The following SLC39A4 variants were observed in gnomAD, a reference collection of about 807,000 sequenced individuals.
The protein encoded by SLC39A4 is zinc transporter ZIP4.
In SLC39A4, 49 loss-of-function variants were observed where a neutral mutation model predicts 56.6. The ratio of observed to expected loss-of-function variants is 0.87; its 90% CI spans 0.69 to 1.10. The LOEUF (loss-of-function observed/expected upper bound fraction) is 1.10. Ranked by LOEUF, SLC39A4 falls within the 50% of genes least tolerant of loss-of-function variation. SLC39A4 has a pLI of 0.00. For synonymous variants in SLC39A4, 540 were observed against 420.4 expected (o/e 1.28, Z -3.48); for missense variants, 993 against 864.2 (o/e 1.15, Z -1.87).
chr8:144,415,206 A>ACAGCC lies in SLC39A4; in HGVS notation c.667+16_667+20dup, dbSNP rs1272214213. 19 of 1,612,422 alleles carry ACAGCC rather than the reference A, an allele frequency of 1.2e-5. No homozygotes were observed. In the Admixed American group the frequency reaches 3.2e-4, roughly 27 times the overall value. The stretch of plus-strand genomic sequence containing the variant: ...TGGGGACTCGGGGGTGCCCCCCTCC[A>ACAGCC]CAGCCCAGCCCAGGCCTCACCGGCC... On this transcript the variant is annotated intron_variant, in intron 3 of 11. Transcript: ENST00000301305.
chr8:144,412,668 TGAG>T lies in SLC39A4; in HGVS notation c.1816-5_1816-3del, dbSNP rs1239611659. 3.0e-5 allele frequency: 49 copies of T among 1,613,744 alleles called. No homozygotes were observed. Among genetic ancestry groups the T allele is most frequent in the Non-Finnish European group, 4.0e-5 (47 of 1,179,952 alleles). ...CCGTACTTTCAACATCGCCGGGAGC[TGAG>T]GAGCAAGTGGGCACCGGGTCAGCGC... On this transcript the variant is annotated splice_polypyrimidine_tract_variant and splice_region_variant and intron_variant, in intron 11 of 11. Coordinates refer to ENST00000301305, the MANE Select transcript of SLC39A4 (RefSeq NM_130849.4).
chr8:144,413,998 A>T lies in SLC39A4; in HGVS notation c.1247T>A (p.Phe416Tyr). ...CAGCAGGAGATTGAAGAGGTTCTCA[A>T]ACAGGAAGAAGGCGTAGAGCCCGGC... ...MLAGLYAFFL[F>Y]ENLFNLLLPR... Residue 416 changes from phenylalanine to tyrosine, a missense_variant, in exon 7 of 12, where the codon TTT becomes TAT. Physicochemically the swap from Phe to Tyr is conservative, Grantham distance 22. Transcript: ENST00000301305. The T allele has an allele frequency of 6.2e-7, 1 of 1,607,982 alleles. No homozygotes were observed. The highest frequency in any genetic ancestry group is 8.5e-7 in the Non-Finnish European group (1 of 1,177,400).
intron 1 of SLC39A4, 78 bp downstream of exon 1, chr8:144,416,520 G>T: frequency 1.3e-6 from 2 of 1,520,484 alleles, no homozygotes; most frequent in Admixed American, 2.0e-5. Context: ...TTTGCCCAGG[G>T]CCCTTTGCTG....
At chr8:144,415,672 G>A in intron 2 of SLC39A4, 138 bp downstream of exon 2, 1 of 1,329,658 alleles carries the variant, frequency 7.5e-7, no homozygotes. Context: ...CCCACGTTGT[G>A]AATCCCCAGC....
rs781827216 is a variant in SLC39A4 at position 144,412,810 on chromosome 8, C to G, written c.1764G>C (p.Trp588Cys). Reference protein sequence around the residue: ...AVGVSEESEAWILAVATGLFL... With the variant: ...AVGVSEESEACILAVATGLFL... The stretch of plus-strand genomic sequence containing the variant: ...ACAGGCCGGTGGCCACTGCCAGGAT[C>G]CAGGCCTCGCTCTCCTCGCTGACTC... The change falls in exon 11 of 12, where the codon TGG (tryptophan) becomes TGC (cysteine). Residue 588 changes from tryptophan to cysteine, a missense_variant. Trp to Cys is a radical substitution (Grantham distance 215, BLOSUM62 -2). Transcript: ENST00000301305. 21 of 1,613,026 alleles carry G rather than the reference C, an allele frequency of 1.3e-5. 1 individual carries two copies. Among genetic ancestry groups the G allele is most frequent in the Middle Eastern group, 3.3e-4 (2 of 6,084 alleles).
rs1395115014 is a variant in SLC39A4 at position 144,414,902 on chromosome 8, G to A, written c.805-6C>T. 3.7e-6 allele frequency: 6 copies of A among 1,613,092 alleles called. No homozygotes were observed. Among genetic ancestry groups the A allele is most frequent in the Non-Finnish European group, 5.1e-6 (6 of 1,179,948 alleles). ...TCCCTGGCACTCAGGCATACCTGGG[G>A]GGTGGCAGGACAGGCTCAGGGGCCC... On this transcript the variant is annotated splice_region_variant and splice_polypyrimidine_tract_variant and intron_variant, in intron 4 of 11. Coordinates refer to ENST00000301305, the MANE Select transcript of SLC39A4 (RefSeq NM_130849.4).
In SLC39A4 at chr8:144,416,710, C is replaced by G; in HGVS notation, c.80G>C (p.Gly27Ala). 1 of 1,612,692 alleles carries G rather than the reference C, an allele frequency of 6.2e-7. No homozygotes were observed. The highest frequency in any genetic ancestry group is 8.5e-7 in the Non-Finnish European group (1 of 1,179,808). The change falls in exon 1 of 12, where the codon GGT (glycine) becomes GCT (alanine). Residue 27 changes from glycine (G) to alanine (A), a missense_variant. Coordinates refer to ENST00000301305, the MANE Select transcript of SLC39A4 (RefSeq NM_130849.4). Reference sequence around the variant, plus strand: ...GCCAGAGGTGAGCAGGCTCAGCAGACCAGCAGGCGGGGACGCCGTCGCCGT... The same window carrying G: ...GCCAGAGGTGAGCAGGCTCAGCAGAGCAGCAGGCGGGGACGCCGTCGCCGT... The part of the protein sequence containing the change: ...VVTATASPPA[G>A]LLSLLTSGQG...
In SLC39A4 at chr8:144,415,862, C is replaced by G; in HGVS notation, c.422G>C (p.Ser141Thr). 1 of 1,598,150 alleles carries G rather than the reference C, an allele frequency of 6.3e-7. No individual in the cohort carries two copies. Among genetic ancestry groups the G allele is most frequent in the Non-Finnish European group, 8.5e-7 (1 of 1,175,752 alleles). ...GGCCTGCATCCTCTGCAGCAGCCAGCTCAGGCCCGGGGTCAGGGCCTTGGG... is the reference window on the plus strand; with the variant it reads ...GGCCTGCATCCTCTGCAGCAGCCAGGTCAGGCCCGGGGTCAGGGCCTTGGG... ...ESPKALTPGL[S>T]WLLQRMQARA... The change falls in exon 2 of 12, where the codon AGC becomes ACC. Residue 141 changes from serine to threonine, a missense_variant. By Grantham distance (58) the Ser-to-Thr change is moderately conservative. Coordinates refer to ENST00000301305, the MANE Select transcript of SLC39A4 (RefSeq NM_130849.4).
rs73374077 is a variant in SLC39A4, at chr8:144,416,593, G to A, written c.192+5C>T. 19 of 1,575,884 alleles carry A rather than the reference G, an allele frequency of 1.2e-5. No homozygotes were observed. In the Admixed American group the frequency reaches 3.5e-4, roughly 29 times the overall value. On this transcript the variant is annotated splice_donor_5th_base_variant and intron_variant, in intron 1 of 11. Transcript: ENST00000301305. ...GCTGGGGGACCCGTCGGGTGGGGCTGTTACCTTTCCACACGGCCCGTTGGC... is the reference window on the plus strand; with the variant it reads ...GCTGGGGGACCCGTCGGGTGGGGCTATTACCTTTCCACACGGCCCGTTGGC...
chr8:144,415,222 C>G lies in SLC39A4; in HGVS notation c.667+5G>C, dbSNP rs1554873508. The G allele has an allele frequency of 6.2e-7, 1 of 1,612,820 alleles. No homozygotes were observed. ...CCCCCCTCCACAGCCCAGCCCAGGC[C>G]TCACCGGCCAGCGTCATAGGGACCT... is the stretch of plus-strand genomic sequence containing the variant. On this transcript the variant is annotated splice_donor_5th_base_variant and intron_variant, in intron 3 of 11. Transcript: ENST00000301305.
chr8:144,414,919 C>T (rs1430488396), intron 4 of SLC39A4, 23 bp from the exon 5 acceptor site: 11 of 1,613,040 alleles, frequency 6.8e-6, no homozygotes, highest in Non-Finnish European at 9.3e-6. Context: ...AGGACAGGCT[C>T]AGGGGCCCAA....
chr8:144,413,672 TG>T, intron 8 of SLC39A4, 77 bp downstream of exon 8: 8 of 1,536,278 alleles, frequency 5.2e-6, no homozygotes, highest in Admixed American at 2.0e-5. Flanking sequence ...AGGCCTGGGG[TG>T]GGGCTGGGAG....
rs1469353733 is a variant in SLC39A4 at position 144,412,644 on chromosome 8, C to T, written c.1838G>A (p.Arg613Gln). ...CDMLPAMLKV[R>Q]DPRPWLLFLL... The stretch of plus-strand genomic sequence containing the variant: ...GAAGAGGAGCCAGGGCCGCGGGTCC[C>T]GTACTTTCAACATCGCCGGGAGCTG... The change falls in exon 12 of 12, where the codon CGG (arginine) becomes CAG (glutamine). Residue 613 changes from arginine to glutamine, a missense_variant. Arg to Gln is a conservative substitution (Grantham distance 43, BLOSUM62 1). Transcript: ENST00000301305. 3.1e-6 allele frequency: 5 copies of T among 1,614,050 alleles called. No homozygotes were observed. The highest frequency in any genetic ancestry group is 1.3e-5 in the African/African-American group (1 of 75,046).
At position 144,416,733 on chromosome 8, in the gene SLC39A4, C is replaced by A. The variant is rs528153434; in HGVS notation, c.57G>T (p.Thr19=). 3.1e-6 allele frequency: 5 copies of A among 1,612,642 alleles called. No individual in the cohort carries two copies. In the East Asian group the frequency reaches 6.7e-5, roughly 22 times the overall value. Residue 19 remains threonine, a synonymous_variant, in exon 1 of 12, where the codon ACG becomes ACT. Transcript: ENST00000301305. The part of the protein sequence containing the change: ...LGLLLAVLVV[T]ATASPPAGLL... ...GACCAGCAGGCGGGGACGCCGTCGC[C>A]GTCACCACCAGCACAGCCAGAAGCA...
At position 144,415,112 on chromosome 8, in the gene SLC39A4, T is replaced by C. The variant is rs2130800155; in HGVS notation, c.668-2A>G. On this transcript the variant is annotated splice_acceptor_variant, in intron 3 of 11. Coordinates refer to ENST00000301305, the MANE Select transcript of SLC39A4 (RefSeq NM_130849.4). LOFTEE classifies it high-confidence loss of function. ...GGCGCTGCATCAAGGCTGACAGCTC[T>C]GGCAGGGAGAAGAGTTGGCACCGCG... The C allele has an allele frequency of 5.0e-6, 8 of 1,612,394 alleles. No homozygotes were observed. Among genetic ancestry groups the C allele is most frequent in the Non-Finnish European group, 6.8e-6 (8 of 1,179,882 alleles).
Position 144,416,684 on chromosome 8 carries a change from G to C in SLC39A4, c.106C>G (p.Gln36Glu). Reference sequence around the variant, plus strand: ...AGAGCCTCTTGATCCAGAGCGCCCTGGCCAGAGGTGAGCAGGCTCAGCAGA... The same window carrying C: ...AGAGCCTCTTGATCCAGAGCGCCCTCGCCAGAGGTGAGCAGGCTCAGCAGA... ...AGLLSLLTSG[Q>E]GALDQEALGG... The change falls in exon 1 of 12, where the codon CAG (glutamine) becomes GAG (glutamate). Residue 36 changes from glutamine to glutamate, a missense_variant. Physicochemically the swap from Gln to Glu is conservative, Grantham distance 29 (BLOSUM62 2). Transcript: ENST00000301305. 1 of 1,612,314 alleles carries C rather than the reference G, an allele frequency of 6.2e-7. No individual in the cohort carries two copies. The highest frequency in any genetic ancestry group is 8.5e-7 in the Non-Finnish European group (1 of 1,179,676).
chr8:144,413,718 C>G, intron 8 of SLC39A4, 32 bp downstream of exon 8: 1 of 1,535,030 alleles, frequency 6.5e-7, no homozygotes, highest in Non-Finnish European at 8.7e-7. Context: ...GGAGGGGCTC[C>G]GCGTGGGATG....
intron 1 of SLC39A4, 142 bp from the exon 2 acceptor site, chr8:144,416,233 C>G: frequency 3.2e-6 from 5 of 1,579,566 alleles, no homozygotes; most frequent in Non-Finnish European, 4.3e-6. Flanking sequence ...TGGCGCCCTT[C>G]CGTCTCCCCA....
intron 1 of SLC39A4, 167 bp downstream of exon 1, chr8:144,416,431 G>A: frequency 6.9e-7 from 1 of 1,450,022 alleles, no homozygotes; most frequent in Non-Finnish European, 9.0e-7. Flanking sequence ...CTGCCCTCAT[G>A]AGCAGGAGGG....
Sources: gnomAD v4.1 joint callset for allele counts on GRCh38, gnomAD v4.1.1 for gene constraint, MANE v1.5 for transcripts, NCBI Gene and HGNC (gene_info 2026-07-23, HGNC 2026-07-21) for gene names.